The following ELMO1 variants were observed in gnomAD, a reference collection of about 807,000 sequenced individuals.
The protein encoded by ELMO1 is engulfment and cell motility 1.
In ELMO1, 26 loss-of-function variants were observed where a neutral mutation model predicts 98.9. That is an observed-to-expected ratio of 0.26 (90% CI 0.19 to 0.36). ELMO1 has a LOEUF of 0.36. Among genes scored for constraint, ELMO1 ranks in the 10% least tolerant of loss-of-function variants. The pLI is 1.00. For missense variants in ELMO1, 627 were observed against 935.2 expected (o/e 0.67, Z 4.30); for synonymous variants, 346 against 346.0 (o/e 1.00, Z 0.00).
intron 16 of ELMO1, among the ~76,000 whole-genome samples, chr7:36,990,040 T>TTC (rs1449885062): frequency 2.0e-5 from 3 of 152,222 alleles, no homozygotes; most frequent in Non-Finnish European, 4.4e-5. Flanking sequence ...ATGGTTTTAG[T>TTC]TCTAGAAAAT....
rs115231757 is a variant in ELMO1 at position 37,017,130 on chromosome 7, G to C, written c.1301-3695C>G. On this transcript the variant is annotated intron_variant, in intron 15 of 21. Coordinates refer to ENST00000310758, the MANE Select transcript of ELMO1 (RefSeq NM_014800.11). ...AGTTAGACTGGAATACCAGGGTTAC[G>C]CTCCCCTTCTGGACCTTACTCCTCC... Among the ~76,000 whole-genome samples the C allele has an allele frequency of 5.9e-5, 9 of 152,112 alleles. 1 individual carries two copies. The highest frequency in any genetic ancestry group is 5.9e-4 in the Admixed American group (9 of 15,272).
chr7:37,019,723 A>G (rs1314739900), intron 15 of ELMO1, among the ~76,000 whole-genome samples: 1 of 152,218 alleles, frequency 6.6e-6, no homozygotes, highest in East Asian at 1.9e-4. Flanking sequence ...ATGGGACAAA[A>G]ATAGTAAGAC....
chr7:37,048,843 T>G (rs1463098006), intron 15 of ELMO1, among the ~76,000 whole-genome samples: 1 of 152,130 alleles, frequency 6.6e-6, no homozygotes, highest in Non-Finnish European at 1.5e-5. Flanking sequence ...ATAGTTAAAG[T>G]TCAGTTGACT....
intron 1 of ELMO1, among the ~76,000 whole-genome samples, chr7:37,393,088 G>A (rs1309184425): frequency 6.6e-6 from 1 of 151,962 alleles, no homozygotes; most frequent in Admixed American, 6.6e-5. Flanking sequence ...ATCTCTCCTG[G>A]GCAACTTGTC....
rs182279397 is a variant in ELMO1, at chr7:37,340,447, A to T, written c.78+2166T>A. On this transcript the variant is annotated intron_variant, in intron 2 of 21. Transcript: ENST00000310758. Reference sequence around the variant, plus strand: ...CTATCAGGCCATGAAAAACAAGGAAAGACTGAGAAATTGTCCAAAACGGAA... The same window carrying T: ...CTATCAGGCCATGAAAAACAAGGAATGACTGAGAAATTGTCCAAAACGGAA... 9.8e-5 allele frequency among the ~76,000 whole-genome samples: 15 copies of T among 152,358 alleles called. No homozygotes were observed. In the East Asian group the frequency reaches 2.7e-3, roughly 27 times the overall value.
intron 1 of ELMO1, chr7:37,375,975 C>T: frequency 1.7e-6 from 1 of 581,172 alleles, no homozygotes; most frequent in Non-Finnish European, 3.1e-6. Context: ...CAACTGAATT[C>T]CAGTTTAGAG....
rs115884595 is a variant in ELMO1 at position 37,216,634 on chromosome 7, T to C, written c.831+11A>G. ...TCCCCCACAAAGAGGTCACAGCGCA[T>C]AGGTACTCACTGTTAAAATGATGGA... On this transcript the variant is annotated intron_variant, in intron 11 of 21. Coordinates refer to ENST00000310758, the MANE Select transcript of ELMO1 (RefSeq NM_014800.11). 1.1e-3 allele frequency: 1,798 copies of C among 1,613,994 alleles called. 24 individuals carry two copies. In the African/African-American group the frequency reaches 0.02, roughly 18 times the overall value.
intron 15 of ELMO1, among the ~76,000 whole-genome samples, chr7:37,024,140 G>A (rs370022528): frequency 6.6e-6 from 1 of 151,618 alleles, no homozygotes; most frequent in Non-Finnish European, 1.5e-5. Flanking sequence ...TCTGTCGGTC[G>A]GTCCATCCAT....
At position 37,013,431 on chromosome 7, in the gene ELMO1, A is replaced by G. The variant is rs779239555; in HGVS notation, c.1305T>C (p.Ser435=). 1 of 1,613,952 alleles carries G rather than the reference A, an allele frequency of 6.2e-7. No individual in the cohort carries two copies. Among genetic ancestry groups the G allele is most frequent in the East Asian group, 2.2e-5 (1 of 44,826 alleles). ...CEILKVGELP[S]ETCNDFHPMF... The stretch of plus-strand genomic sequence containing the variant: ...TCGGGTGGAAGTCGTTGCAGGTCTC[A>G]CTAGCTGGAGGAAAGAGATGGAAAA... The change falls in exon 16 of 22, where the codon AGT becomes AGC. Residue 435 remains serine, a synonymous_variant. Transcript: ENST00000310758.
intron 17 of ELMO1, among the ~76,000 whole-genome samples, chr7:36,891,524 A>G (rs186178039): frequency 6.6e-6 from 1 of 152,308 alleles, no homozygotes; most frequent in Non-Finnish European, 1.5e-5. Flanking sequence ...GCATATATTA[A>G]TACAAATATA....
chr7:37,143,968 C>A (rs1787817247), intron 13 of ELMO1, among the ~76,000 whole-genome samples: 1 of 152,098 alleles, frequency 6.6e-6, no homozygotes, highest in African/African-American at 2.4e-5. Context: ...GCCTTGGCCT[C>A]CCAAAGTGCT....
chr7:36,951,470 C>T (rs1266523627), intron 16 of ELMO1, among the ~76,000 whole-genome samples: 1 of 152,184 alleles, frequency 6.6e-6, no homozygotes, highest in South Asian at 2.1e-4. Context: ...TACCTACCTC[C>T]TTCCCATCAC....
At chr7:37,102,307 GC>G (rs1028130673) in intron 14 of ELMO1, among the ~76,000 whole-genome samples, 2 of 152,200 alleles carry the variant, frequency 1.3e-5, no homozygotes, top group African/African-American at 4.8e-5. Flanking sequence ...CCTCAAGGGG[GC>G]TGCACAAGAA....
intron 2 of ELMO1, among the ~76,000 whole-genome samples, chr7:37,332,290 T>A (rs1800174410): frequency 6.6e-6 from 1 of 152,258 alleles, no homozygotes; most frequent in Non-Finnish European, 1.5e-5. Context: ...CCTGTTCATG[T>A]ATTATTGTCT....
chr7:36,930,929 T>C (rs1346934906), intron 16 of ELMO1, among the ~76,000 whole-genome samples: 1 of 152,228 alleles, frequency 6.6e-6, no homozygotes, highest in South Asian at 2.1e-4. Flanking sequence ...CATGCGCACC[T>C]TCAGTCTCCT....
At chr7:37,406,268 T>TTG (rs386409930) in intron 1 of ELMO1, among the ~76,000 whole-genome samples, 1 of 35,252 alleles carries the variant, frequency 2.8e-5, no homozygotes, top group African/African-American at 8.7e-5. Flanking sequence ...TACTCTTTTG[T>TTG]TTTTTTTTTT....
intron 15 of ELMO1, among the ~76,000 whole-genome samples, chr7:37,092,901 C>A (rs1056490941): frequency 1.3e-5 from 2 of 151,258 alleles, no homozygotes; most frequent in African/African-American, 4.9e-5. Flanking sequence ...TCTGTCTACA[C>A]TGTCTTTCTT....
chr7:37,254,316 A>G (rs1048537309), intron 6 of ELMO1, among the ~76,000 whole-genome samples: 1 of 152,152 alleles, frequency 6.6e-6, no homozygotes, highest in African/African-American at 2.4e-5. Flanking sequence ...AATTCACCCA[A>G]CACCTGGCCT....
At chr7:37,389,241 T>C (rs1263634286) in intron 1 of ELMO1, among the ~76,000 whole-genome samples, 1 of 152,184 alleles carries the variant, frequency 6.6e-6, no homozygotes, top group Non-Finnish European at 1.5e-5. Context: ...GGCAATTCCT[T>C]TCATTTTGAC....
Sources: allele counts gnomAD v4.1 joint callset (sites outside exome capture counted in the v4.1 genomes callset), GRCh38; gene constraint gnomAD v4.1.1; transcripts MANE v1.5; gene names NCBI Gene and HGNC (gene_info 2026-07-23, HGNC 2026-07-21).